MBD5: variants seen among roughly 807,000 people sequenced by gnomAD.
MBD5 encodes methyl-CpG-binding domain protein 5.
MBD5 carries 13 observed loss-of-function variants against 117.3 expected under a neutral mutation model. The ratio of observed to expected loss-of-function variants is 0.11; its 90% CI spans 0.07 to 0.18. MBD5 has a LOEUF of 0.18. MBD5 is among the 10% of genes least tolerant of loss of function. The pLI, the probability that MBD5 is intolerant of heterozygous loss-of-function variation, is 1.00. For synonymous variants in MBD5, 727 were observed against 766.4 expected (o/e 0.95, Z 0.85); for missense variants, 1,879 against 2,093.8 (o/e 0.90, Z 2.00).
rs1401977627 is a variant in MBD5, at chr2:148,319,547, C to T, written c.-679-22667C>T. ...ATGGGATTGCCTTCTTCATTTGGTCCTTTACTATATCATTATTGGCACATA... is the reference window on the plus strand; with the variant it reads ...ATGGGATTGCCTTCTTCATTTGGTCTTTTACTATATCATTATTGGCACATA... On this transcript the variant is annotated intron_variant, in intron 3 of 13. Transcript: ENST00000642680. Among the ~76,000 whole-genome samples, 4 of 152,032 alleles carry T rather than the reference C, an allele frequency of 2.6e-5. No individual in the cohort carries two copies. In the East Asian group the frequency reaches 7.7e-4, roughly 29 times the overall value.
intron 4 of MBD5, among the ~76,000 whole-genome samples, chr2:148,358,983 G>A (rs1207596409): frequency 6.6e-6 from 1 of 151,750 alleles, no homozygotes; most frequent in Non-Finnish European, 1.5e-5. Context: ...GTCTTTTGAC[G>A]GGGTGTGGTG....
chr2:148,268,285 G>GC (rs1378360726), intron 3 of MBD5, among the ~76,000 whole-genome samples: 1 of 151,412 alleles, frequency 6.6e-6, no homozygotes, highest in East Asian at 1.9e-4. Flanking sequence ...TCCCTAAACT[G>GC]CCCCCAGGCT....
chr2:148,284,635 G>C (rs1701329981), intron 3 of MBD5, among the ~76,000 whole-genome samples: 1 of 152,112 alleles, frequency 6.6e-6, no homozygotes, highest in African/African-American at 2.4e-5. Flanking sequence ...TAATGGATGG[G>C]TCTTGTCTGT....
intron 4 of MBD5, among the ~76,000 whole-genome samples, chr2:148,399,068 G>A: frequency 1.3e-5 from 2 of 152,204 alleles, no homozygotes; most frequent in Non-Finnish European, 2.9e-5. Context: ...TTGTAATATA[G>A]TTTGAAGTCA....
At chr2:148,152,231 T>C (rs1697696473) in intron 1 of MBD5, among the ~76,000 whole-genome samples, 1 of 152,232 alleles carries the variant, frequency 6.6e-6, no homozygotes, top group South Asian at 2.1e-4. Context: ...TTGTTCAGCT[T>C]CCATGTAGTT....
intron 4 of MBD5, chr2:148,347,503 C>T (rs939990254): frequency 3.9e-5 from 6 of 151,978 alleles, no homozygotes; most frequent in African/African-American, 1.4e-4. Context: ...TCCTCTCCTA[C>T]ACTCCCTGCT....
At chr2:148,418,324 T>C (rs1445877195) in intron 4 of MBD5, among the ~76,000 whole-genome samples, 1 of 152,190 alleles carries the variant, frequency 6.6e-6, no homozygotes, top group Non-Finnish European at 1.5e-5. Context: ...ATTTTTTGTT[T>C]TGTTGCATTT....
intron 1 of MBD5, among the ~76,000 whole-genome samples, chr2:148,162,038 C>T (rs2105750081): frequency 6.6e-6 from 1 of 152,302 alleles, no homozygotes; most frequent in South Asian, 2.1e-4. Context: ...CACCTGCCTT[C>T]CAAAGGCCAG....
chr2:148,410,378 G>T (rs1224233060), intron 4 of MBD5, among the ~76,000 whole-genome samples: 2 of 151,848 alleles, frequency 1.3e-5, no homozygotes, highest in African/African-American at 4.8e-5. Flanking sequence ...TTTACTTTGG[G>T]GCTCTCTATC....
At chr2:148,438,579 G>A (rs1051809704) in intron 4 of MBD5, among the ~76,000 whole-genome samples, 4 of 152,182 alleles carry the variant, frequency 2.6e-5, no homozygotes, top group African/African-American at 9.7e-5. Flanking sequence ...ATATTAGACA[G>A]AGTTTTCCAG....
chr2:148,328,018 T>C (rs920501244), intron 3 of MBD5, among the ~76,000 whole-genome samples: 2 of 152,124 alleles, frequency 1.3e-5, no homozygotes, highest in Non-Finnish European at 2.9e-5. Flanking sequence ...GATGGGTTTT[T>C]GGTGTGGATG....
chr2:148,321,306 A>G, intron 3 of MBD5, among the ~76,000 whole-genome samples: 1 of 152,200 alleles, frequency 6.6e-6, no homozygotes, highest in East Asian at 1.9e-4. Flanking sequence ...TAGCTGATGA[A>G]CTAAAAAAAA....
intron 1 of MBD5, among the ~76,000 whole-genome samples, chr2:148,023,067 C>A (rs536619310): frequency 1.3e-5 from 2 of 150,826 alleles, no homozygotes; most frequent in Non-Finnish European, 3.0e-5. Flanking sequence ...CTCTTTCGCT[C>A]GCTCTCTCTC....
intron 1 of MBD5, among the ~76,000 whole-genome samples, chr2:148,109,670 GCA>G: frequency 6.6e-6 from 1 of 152,212 alleles, no homozygotes; most frequent in East Asian, 1.9e-4. Context: ...TTTAAAATAT[GCA>G]GTTTTGTGTA....
Position 148,324,484 on chromosome 2 carries a change from C to T in MBD5, c.-679-17730C>T, listed in dbSNP as rs575665733. On this transcript the variant is annotated intron_variant, in intron 3 of 13. Coordinates refer to ENST00000642680, the MANE Select transcript of MBD5 (RefSeq NM_001378120.1). ...CTACCCATGAGCATGGAATGTTCTT[C>T]CATTTGTTTGTATCCTCTTTTATTT... is the stretch of plus-strand genomic sequence containing the variant. Among the ~76,000 whole-genome samples, 4 of 152,328 alleles carry T rather than the reference C, an allele frequency of 2.6e-5. No individual in the cohort carries two copies. In the South Asian group the frequency reaches 6.2e-4, roughly 24 times the overall value.
intron 4 of MBD5, among the ~76,000 whole-genome samples, chr2:148,390,543 A>G (rs10191459): frequency 1.5e-5 from 2 of 129,800 alleles, no homozygotes; most frequent in East Asian, 2.2e-4. Flanking sequence ...ATATGTGTGT[A>G]TATATATACG....
chr2:148,412,272 T>TTTTTTGTGTGTGTG (rs946184910), intron 4 of MBD5, among the ~76,000 whole-genome samples: 7 of 144,480 alleles, frequency 4.8e-5, no homozygotes, highest in African/African-American at 1.6e-4. Flanking sequence ...AGTATACTTT[T>TTTTTTGTGTGTGTG]TGTGTGTGTG....
At chr2:148,233,533 T>C (rs1700035132) in intron 3 of MBD5, 138 bp downstream of exon 3, 1 of 152,206 alleles carries the variant, frequency 6.6e-6, no homozygotes, top group Non-Finnish European at 1.5e-5. Flanking sequence ...TTTTCTTTAT[T>C]TTCTTTTTTT....
intron 8 of MBD5, among the ~76,000 whole-genome samples, chr2:148,476,908 T>C (rs948422481): frequency 1.3e-5 from 2 of 152,164 alleles, no homozygotes; most frequent in Non-Finnish European, 2.9e-5. Context: ...TAGTGCATAT[T>C]CAGAGAACAG....
Sources: allele counts gnomAD v4.1 joint callset (sites outside exome capture counted in the v4.1 genomes callset), GRCh38; gene constraint gnomAD v4.1.1; transcripts MANE v1.5; gene names NCBI Gene and HGNC (gene_info 2026-07-23, HGNC 2026-07-21).